LRRC28: variants seen among roughly 807,000 people sequenced by gnomAD.
The protein encoded by LRRC28 is leucine rich repeat containing 28.
Under a neutral mutation model 45.7 loss-of-function variants are expected in LRRC28, and 39 were observed. The observed-to-expected ratio is 0.85, with a 90% CI of 0.66 to 1.12. LRRC28 has a LOEUF of 1.12. LRRC28 is among the 50% of genes most tolerant of loss of function. The pLI, the probability that LRRC28 is intolerant of heterozygous loss-of-function variation, is 0.00. For synonymous variants in LRRC28, 206 were observed against 178.8 expected (o/e 1.15, Z -1.22); for missense variants, 435 against 438.5 (o/e 0.99, Z 0.07).
intron 5 of LRRC28, among the ~76,000 whole-genome samples, chr15:99,332,373 AT>A (rs1956189074): frequency 1.3e-5 from 2 of 152,206 alleles, no homozygotes; most frequent in African/African-American, 2.4e-5. Flanking sequence ...TATTGAGGAA[AT>A]TGAGCAGTAA....
At chr15:99,338,854 G>C (rs191032550) in intron 6 of LRRC28, among the ~76,000 whole-genome samples, 154 of 152,280 alleles carry the variant, frequency 1.0e-3, no homozygotes, top group African/African-American at 3.6e-3. Context: ...AAACCATTAA[G>C]ACTCTTTGAC....
At chr15:99,361,653 C>CT in intron 8 of LRRC28, 142 bp downstream of exon 8, 1 of 771,740 alleles carries the variant, frequency 1.3e-6, no homozygotes, top group Non-Finnish European at 2.0e-6. Context: ...TTTTATCCAT[C>CT]TTTAAGTATA....
Position 99,346,421 on chromosome 15 carries a change from T to G in LRRC28, c.593-5948T>G, listed in dbSNP as rs555468085. The stretch of plus-strand genomic sequence containing the variant: ...GGCCTTAAGTGACTCTTGTTTACTT[T>G]TGTTTTATGATAAATTACATTTTAA... On this transcript the variant is annotated intron_variant, in intron 6 of 9. Transcript: ENST00000301981. Among the ~76,000 whole-genome samples the G allele has an allele frequency of 1.3e-5, 2 of 152,350 alleles. 1 individual carries two copies. Among genetic ancestry groups the G allele is most frequent in the South Asian group, 4.1e-4 (2 of 4,828 alleles).
chr15:99,314,627 A>G (rs543347483), intron 5 of LRRC28, among the ~76,000 whole-genome samples: 12 of 152,232 alleles, frequency 7.9e-5, no homozygotes, highest in Admixed American at 3.9e-4. Flanking sequence ...AACATTGGGA[A>G]TATGTTTTTA....
At chr15:99,340,676 T>G (rs1197962263) in intron 6 of LRRC28, among the ~76,000 whole-genome samples, 1 of 152,218 alleles carries the variant, frequency 6.6e-6, no homozygotes, top group East Asian at 1.9e-4. Context: ...AGTAAAGAAC[T>G]TCATTCTAGT....
intron 5 of LRRC28, among the ~76,000 whole-genome samples, chr15:99,288,284 C>T (rs1030407036): frequency 6.7e-5 from 10 of 150,032 alleles, no homozygotes; most frequent in Admixed American, 4.6e-4. Context: ...GTGAACTTTG[C>T]GTGATATAAT....
chr15:99,295,106 G>A (rs1446522372), intron 5 of LRRC28, among the ~76,000 whole-genome samples: 3 of 152,154 alleles, frequency 2.0e-5, no homozygotes, highest in Non-Finnish European at 2.9e-5. Flanking sequence ...GTGTTTTGGC[G>A]GGAGGCATGT....
chr15:99,373,194 T>A (rs905347342), intron 9 of LRRC28, among the ~76,000 whole-genome samples: 4 of 152,152 alleles, frequency 2.6e-5, no homozygotes, highest in African/African-American at 4.8e-5. Flanking sequence ...ATGAATGATT[T>A]GCATTTAACA....
chr15:99,277,226 G>T (rs1479125394), intron 3 of LRRC28, among the ~76,000 whole-genome samples: 1 of 151,682 alleles, frequency 6.6e-6, no homozygotes, highest in Non-Finnish European at 1.5e-5. Context: ...TGTACTCTTT[G>T]TTATTTGGCA....
chr15:99,309,698 C>T (rs73473379), intron 5 of LRRC28, among the ~76,000 whole-genome samples: 3,422 of 152,256 alleles, frequency 0.022, 127 homozygotes, highest in African/African-American at 0.077. Context: ...TGAACCACCA[C>T]GCCCACTGGG....
At chr15:99,259,680 C>T (rs1169908573) in intron 2 of LRRC28, 91 of 1,390,512 alleles carry the variant, frequency 6.5e-5, no homozygotes, top group Non-Finnish European at 8.7e-5. Context: ...GAAATTAATC[C>T]CAGACATCCG....
At position 99,334,023 on chromosome 15, in the gene LRRC28, C is replaced by T. The variant is rs950981068; in HGVS notation, c.486C>T (p.Leu162=). 1.9e-6 allele frequency: 3 copies of T among 1,614,022 alleles called. No homozygotes were observed. The Admixed American group carries it at 5.0e-5, about 27-fold the overall frequency. Residue 162 remains leucine, a synonymous_variant, in exon 6 of 10, where the codon CTC becomes CTT. Coordinates refer to ENST00000301981, the MANE Select transcript of LRRC28 (RefSeq NM_144598.5). ...RLHMCLSLQY[L]TVDRNRLWYV... Reference sequence around the variant, plus strand: ...ACATGTGCCTTTCTCTGCAGTACCTCACTGTGGACCGAAATCGTCTATGGT... The same window carrying T: ...ACATGTGCCTTTCTCTGCAGTACCTTACTGTGGACCGAAATCGTCTATGGT...
At chr15:99,283,580 C>A (rs917973122) in intron 3 of LRRC28, among the ~76,000 whole-genome samples, 5 of 133,250 alleles carry the variant, frequency 3.8e-5, no homozygotes, top group African/African-American at 1.4e-4. Context: ...CGAGCCACGG[C>A]ACTCTAGCCT....
intron 6 of LRRC28, among the ~76,000 whole-genome samples, chr15:99,342,278 C>T (rs571608037): frequency 2.6e-5 from 4 of 152,286 alleles, no homozygotes; most frequent in African/African-American, 4.8e-5. Flanking sequence ...CCTTAGCCCC[C>T]GGGGAATCCT....
chr15:99,390,680 G>A lies in LRRC28; in HGVS notation c.*4578G>A, dbSNP rs1169561865. The A allele has an allele frequency of 6.6e-6, 1 of 152,220 alleles. No individual in the cohort carries two copies. The highest frequency in any genetic ancestry group is 1.5e-5 in the Non-Finnish European group (1 of 68,036). 9.4% of individuals were successfully genotyped at this position (152,220 alleles called of 1,614,324 possible). On this transcript the variant is annotated 3_prime_UTR_variant, in exon 10 of 10. Transcript: ENST00000301981. ...CTTGAACCATGTGAATGCTCAGAATGTCAATGGTGGAGTATTTATTCAAGA... is the reference window on the plus strand; with the variant it reads ...CTTGAACCATGTGAATGCTCAGAATATCAATGGTGGAGTATTTATTCAAGA...
At chr15:99,294,091 A>G (rs750280016) in intron 5 of LRRC28, among the ~76,000 whole-genome samples, 4 of 152,206 alleles carry the variant, frequency 2.6e-5, no homozygotes, top group Admixed American at 6.5e-5. Flanking sequence ...CTATGACTGC[A>G]TTAAGATTTC....
At position 99,306,853 on chromosome 15, in the gene LRRC28, G is replaced by A. The variant is rs566505585; in HGVS notation, c.385+18902G>A. Among the ~76,000 whole-genome samples, 360 of 152,164 alleles carry A rather than the reference G, an allele frequency of 2.4e-3. 3 individuals carry two copies. The highest frequency in any genetic ancestry group is 3.4e-3 in the Non-Finnish European group (233 of 68,026). On this transcript the variant is annotated intron_variant, in intron 5 of 9. Transcript: ENST00000301981. The stretch of plus-strand genomic sequence containing the variant: ...GTTTCTTTGCTGAGTGTTTGAGCAC[G>A]GGCTGCTTTCCTATCCACTGACATG...
chr15:99,259,187 C>A, intron 2 of LRRC28: 1 of 1,122,354 alleles, frequency 8.9e-7, no homozygotes, highest in Non-Finnish European at 1.4e-6. Context: ...TACTAGCCTA[C>A]ACCAGGATGT....
chr15:99,380,950 T>TTTAAAATGTTAA (rs1170947926), intron 9 of LRRC28, among the ~76,000 whole-genome samples: 2 of 152,246 alleles, frequency 1.3e-5, no homozygotes, highest in Non-Finnish European at 2.9e-5. Context: ...CCTTTCTATC[T>TTTAAAATGTTAA]GGCTGCCCTT....
Sources: gnomAD v4.1 joint callset for allele counts (sites outside exome capture counted in the v4.1 genomes callset) on GRCh38, gnomAD v4.1.1 for gene constraint, MANE v1.5 for transcripts, NCBI Gene and HGNC (gene_info 2026-07-23, HGNC 2026-07-21) for gene names.